The following ENTPD6 variants were observed in gnomAD, a reference collection of about 807,000 sequenced individuals.
ENTPD6 encodes the protein ectonucleoside triphosphate diphosphohydrolase 6.
Under a neutral mutation model 61.5 loss-of-function variants are expected in ENTPD6, and 46 were observed. The observed-to-expected ratio is 0.75, with a 90% CI of 0.59 to 0.96. The LOEUF (loss-of-function observed/expected upper bound fraction) is 0.96. ENTPD6 is among the 40% of genes least tolerant of loss of function. The pLI is 0.00. For synonymous variants in ENTPD6, 252 were observed against 255.5 expected (o/e 0.99, Z 0.13); for missense variants, 612 against 629.0 (o/e 0.97, Z 0.29).
chr20:25,207,075 G>A lies in ENTPD6; in HGVS notation c.55-1G>A. 1.9e-6 allele frequency: 3 copies of A among 1,595,370 alleles called. No individual in the cohort carries two copies. Among genetic ancestry groups the A allele is most frequent in the Non-Finnish European group, 2.6e-6 (3 of 1,166,010 alleles). ...TCCTGCCTCTCCCCCCTTCCCACCA[G>A]CAGCCGCAGCACGGTCCTTGGCAAA... is the stretch of plus-strand genomic sequence containing the variant. On this transcript the variant is annotated splice_acceptor_variant, in intron 2 of 14. Transcript: ENST00000376652. LOFTEE classifies it high-confidence loss of function.
chr20:25,204,613 G>A (rs2091314149), intron 1 of ENTPD6, among the ~76,000 whole-genome samples: 1 of 152,178 alleles, frequency 6.6e-6, no homozygotes, highest in Non-Finnish European at 1.5e-5. Flanking sequence ...TTGCCTAGCA[G>A]TGCCCATAAC....
At chr20:25,209,111 T>TTGA (rs2091749958) in intron 3 of ENTPD6, among the ~76,000 whole-genome samples, 7 of 113,360 alleles carry the variant, frequency 6.2e-5, no homozygotes, top group Admixed American at 1.7e-4. Flanking sequence ...TTTATTTTTA[T>TTGA]TTAATTTTTT....
chr20:25,208,593 A>G (rs191858223), intron 3 of ENTPD6, among the ~76,000 whole-genome samples: 1 of 152,354 alleles, frequency 6.6e-6, no homozygotes, highest in African/African-American at 2.4e-5. Flanking sequence ...AAGACTTTGC[A>G]AAAAGTTTTG....
chr20:25,214,996 G>T, intron 6 of ENTPD6, 54 bp downstream of exon 6: 1 of 1,213,526 alleles, frequency 8.2e-7, no homozygotes, highest in African/African-American at 1.5e-5. Context: ...AGGTGGGTGG[G>T]AGCAATCCTG....
chr20:25,224,304 C>G (rs1033771536), intron 13 of ENTPD6, 147 bp downstream of exon 13: 2 of 592,624 alleles, frequency 3.4e-6, no homozygotes, highest in African/African-American at 3.8e-5. Flanking sequence ...GAAAGGACCA[C>G]CGTCCTTGTC....
chr20:25,206,461 C>T, intron 1 of ENTPD6, 61 bp from the exon 2 acceptor site: 2 of 1,281,932 alleles, frequency 1.6e-6, no homozygotes, highest in East Asian at 2.3e-5. Flanking sequence ...ATTTATTTTG[C>T]TACTCTAGTA....
In ENTPD6 at chr20:25,218,591, TG is replaced by T. The variant is rs1201279388; in HGVS notation, c.923del (p.Gly308AlafsTer67). 1 of 1,607,908 alleles carries T rather than the reference TG, an allele frequency of 6.2e-7. No individual in the cohort carries two copies. The highest frequency in any genetic ancestry group is 8.5e-7 in the Non-Finnish European group (1 of 1,178,944). On this transcript the variant is annotated frameshift_variant, in exon 10 of 15. Transcript: ENST00000376652. LOFTEE classifies it high-confidence loss of function. ...LGLMSARLAI[L>X]GGVEGQPAKD... The stretch of plus-strand genomic sequence containing the variant: ...CTGATGTCGGCACGCCTGGCGATCC[TG>T]GGCGGCGTGGAGGGGCAGCCTGGTG...
At position 25,218,595 on chromosome 20, in the gene ENTPD6, C is replaced by T. The variant is rs138612595; in HGVS notation, c.924C>T (p.Gly308=). The change falls in exon 10 of 15, where the codon GGC becomes GGT. Residue 308 remains glycine, a synonymous_variant. Transcript: ENST00000376652. ...GLMSARLAIL[G]GVEGQPAKDG... ...TGTCGGCACGCCTGGCGATCCTGGG[C>T]GGCGTGGAGGGGCAGCCTGGTGAGT... 2.3e-5 allele frequency: 37 copies of T among 1,607,306 alleles called. No homozygotes were observed. The highest frequency in any genetic ancestry group is 1.1e-4 in the East Asian group (5 of 44,770).
intron 1 of ENTPD6, 94 bp downstream of exon 1, chr20:25,195,961 G>A: frequency 1.0e-5 from 11 of 1,068,844 alleles, no homozygotes; most frequent in Non-Finnish European, 1.3e-5. Context: ...TCCGGAGGAC[G>A]GCCTCGGGGT....
chr20:25,224,020 G>A lies in ENTPD6; in HGVS notation c.1187-81G>A, dbSNP rs571923249. On this transcript the variant is annotated intron_variant, in intron 12 of 14. Coordinates refer to ENST00000376652, the MANE Select transcript of ENTPD6 (RefSeq NM_001247.5). ...AGTGCCTTGGGGCTCTTGGGCTGGC[G>A]TTCCCCGTGCCAGCCTCACGTCTCA... is the stretch of plus-strand genomic sequence containing the variant. The A allele has an allele frequency of 9.9e-5, 135 of 1,367,248 alleles. 1 individual carries two copies. The East Asian group carries it at 2.3e-3, about 24-fold the overall frequency. The allele number at this position is 1,367,248 out of a possible 1,614,324, so 84.7% of individuals were successfully genotyped here. A position where few individuals can be genotyped will look rare whatever the true frequency, so the allele number is the denominator to read the frequency against.
intron 6 of ENTPD6, among the ~76,000 whole-genome samples, chr20:25,215,475 T>C (rs1245773198): frequency 6.6e-6 from 1 of 152,218 alleles, no homozygotes; most frequent in Non-Finnish European, 1.5e-5. Context: ...TTCAGCATGC[T>C]GTGTCTCAGG....
At chr20:25,195,963 C>A in intron 1 of ENTPD6, 96 bp downstream of exon 1, 2 of 1,057,484 alleles carry the variant, frequency 1.9e-6, no homozygotes, top group Non-Finnish European at 2.4e-6. Flanking sequence ...CGGAGGACGG[C>A]CTCGGGGTCA....
chr20:25,215,092 T>TA (rs2092243134), intron 6 of ENTPD6, 150 bp downstream of exon 6: 1 of 615,050 alleles, frequency 1.6e-6, no homozygotes, highest in African/African-American at 1.8e-5. Context: ...TCATGGCTGT[T>TA]ACAGCCCCGT....
In ENTPD6 at chr20:25,207,256, C is replaced by G; in HGVS notation, c.235C>G (p.Pro79Ala). The change falls in exon 3 of 15, where the codon CCG becomes GCG. Residue 79 changes from proline to alanine, a missense_variant. Coordinates refer to ENST00000376652, the MANE Select transcript of ENTPD6 (RefSeq NM_001247.5). ...CTTCTTCAGCATCACCAGGGCAGCC[C>G]CGGGGGCCCGGTGGGGTCAGCAGGC... is the stretch of plus-strand genomic sequence containing the variant. Reference protein sequence around the residue: ...QAFFSITRAAPGARWGQQAHS... With the variant: ...QAFFSITRAAAGARWGQQAHS... 1 of 1,613,934 alleles carries G rather than the reference C, an allele frequency of 6.2e-7. No homozygotes were observed. The highest frequency in any genetic ancestry group is 8.5e-7 in the Non-Finnish European group (1 of 1,179,938).
rs138338862 is a variant in ENTPD6, at chr20:25,222,944, C to T, written c.1152C>T (p.Tyr384=). The change falls in exon 12 of 15, where the codon TAC becomes TAT. Residue 384 remains tyrosine, a synonymous_variant. Transcript: ENST00000376652. ...ATGTGGACTTCTATGCTTTCTCCTA[C>T]TATTACGACCTTGCAGCTGGTGTGG... The part of the protein sequence containing the change: ...VKHVDFYAFS[Y]YYDLAAGVGL... 80 of 1,608,498 alleles carry T rather than the reference C, an allele frequency of 5.0e-5. No individual in the cohort carries two copies. The African/African-American group carries it at 9.4e-4, about 19-fold the overall frequency.
intron 1 of ENTPD6, among the ~76,000 whole-genome samples, chr20:25,198,702 G>A (rs1360099246): frequency 6.6e-6 from 1 of 152,102 alleles, no homozygotes; most frequent in African/African-American, 2.4e-5. Flanking sequence ...GGTATGGGAG[G>A]TGCTACTTTG....
chr20:25,214,962 T>C lies in ENTPD6; in HGVS notation c.673+20T>C. On this transcript the variant is annotated intron_variant, in intron 6 of 14. Coordinates refer to ENST00000376652, the MANE Select transcript of ENTPD6 (RefSeq NM_001247.5). ...ATGAAGGTAAATGGCTGGAAGCACC[T>C]CTGTACAGTGGGGCTGTGCAGTGAG... is the stretch of plus-strand genomic sequence containing the variant. The C allele has an allele frequency of 6.5e-7, 1 of 1,547,990 alleles. No homozygotes were observed.
chr20:25,209,375 G>C (rs530183925), intron 3 of ENTPD6, among the ~76,000 whole-genome samples: 80 of 151,794 alleles, frequency 5.3e-4, no homozygotes, highest in African/African-American at 1.7e-3. Context: ...CTCCCAAAGT[G>C]CTGGGATTAC....
chr20:25,216,649 C>T lies in ENTPD6; in HGVS notation c.711C>T (p.Gly237=), dbSNP rs1286800457. 2 of 1,600,950 alleles carry T rather than the reference C, an allele frequency of 1.2e-6. No homozygotes were observed. The highest frequency in any genetic ancestry group is 1.7e-6 in the Non-Finnish European group (2 of 1,174,128). Residue 237 remains glycine (G), a splice_region_variant and synonymous_variant, in exon 8 of 15, where the codon GGC becomes GGT. Coordinates refer to ENST00000376652, the MANE Select transcript of ENTPD6 (RefSeq NM_001247.5). ...CTGTTTTTGCTTGCTGTGCTCCAGG[C>T]AGCTTGAAAACTCCAGGAGGGAGCA... ...SAWITINFLT[G]SLKTPGGSSV...
Sources: allele counts gnomAD v4.1 joint callset (sites outside exome capture counted in the v4.1 genomes callset), GRCh38; gene constraint gnomAD v4.1.1; transcripts MANE v1.5; gene names NCBI Gene and HGNC (gene_info 2026-07-23, HGNC 2026-07-21).